Variants in KCNH7 observed in about 807,000 individuals in gnomAD.
The protein encoded by KCNH7 is voltage-gated inwardly rectifying potassium channel KCNH7.
In KCNH7, 49 loss-of-function variants were observed where a neutral mutation model predicts 120.8. The observed-to-expected ratio is 0.41, with a 90% CI of 0.32 to 0.51. The LOEUF (loss-of-function observed/expected upper bound fraction) is 0.51. KCNH7 is among the 20% of genes least tolerant of loss of function. The pLI, the probability that KCNH7 is intolerant of heterozygous loss-of-function variation, is 0.38. For missense variants in KCNH7, 1,097 were observed against 1,446.6 expected, an observed-to-expected ratio of 0.76 and a Z score of 3.92; for synonymous variants, 547 against 516.1, an observed-to-expected ratio of 1.06 and a Z score of -0.81.
chr2:162,787,311 G>A (rs1683745912), intron 2 of KCNH7, among the ~76,000 whole-genome samples: 1 of 152,170 alleles, frequency 6.6e-6, no homozygotes, highest in Admixed American at 6.5e-5. Flanking sequence ...TGTCAAGCTG[G>A]CTCCTGCAGA....
chr2:162,380,640 G>T (rs188094138), intron 13 of KCNH7, among the ~76,000 whole-genome samples: 2 of 152,210 alleles, frequency 1.3e-5, no homozygotes, highest in East Asian at 3.9e-4. Flanking sequence ...CTTCTGTGCT[G>T]CCCTTTACCA....
At chr2:162,640,296 A>G (rs1358912961) in intron 2 of KCNH7, among the ~76,000 whole-genome samples, 2 of 152,154 alleles carry the variant, frequency 1.3e-5, no homozygotes, top group Non-Finnish European at 2.9e-5. Context: ...TGATTTCAAG[A>G]CTTATAACAT....
intron 2 of KCNH7, among the ~76,000 whole-genome samples, chr2:162,815,919 G>T (rs1189781054): frequency 6.6e-6 from 1 of 152,152 alleles, no homozygotes; most frequent in Non-Finnish European, 1.5e-5. Context: ...TACATAATTA[G>T]ATTTCCTCAT....
chr2:162,406,714 G>A (rs1326887722), intron 9 of KCNH7, among the ~76,000 whole-genome samples: 4 of 151,802 alleles, frequency 2.6e-5, no homozygotes. Context: ...CCTGATTCTG[G>A]TAAAATTATT....
At chr2:162,486,690 T>G (rs916337066) in intron 6 of KCNH7, among the ~76,000 whole-genome samples, 1 of 152,154 alleles carries the variant, frequency 6.6e-6, no homozygotes, top group Non-Finnish European at 1.5e-5. Flanking sequence ...CATATTCATG[T>G]TTGAGTTGCA....
At chr2:162,685,705 A>G (rs1279463443) in intron 2 of KCNH7, among the ~76,000 whole-genome samples, 1 of 151,884 alleles carries the variant, frequency 6.6e-6, no homozygotes, top group African/African-American at 2.4e-5. Flanking sequence ...GGAATATTTC[A>G]GATGTATTAG....
chr2:162,568,341 T>C (rs1574112281), intron 2 of KCNH7, among the ~76,000 whole-genome samples: 1 of 151,998 alleles, frequency 6.6e-6, no homozygotes, highest in African/African-American at 2.4e-5. Flanking sequence ...TAACATGCTG[T>C]ACAGGTTTGT....
intron 2 of KCNH7, among the ~76,000 whole-genome samples, chr2:162,632,070 G>A (rs1219041394): frequency 6.6e-6 from 1 of 151,956 alleles, no homozygotes; most frequent in East Asian, 1.9e-4. Context: ...AAATGTTGGA[G>A]AGGAAGGAAA....
chr2:162,423,236 A>G, intron 9 of KCNH7, 100 bp downstream of exon 9: 1 of 1,599,746 alleles, frequency 6.3e-7, no homozygotes, highest in African/African-American at 1.3e-5. Flanking sequence ...GAAGAAAACA[A>G]AAGCAAGGGG....
chr2:162,804,663 C>T (rs551675567), intron 2 of KCNH7, among the ~76,000 whole-genome samples: 68 of 151,898 alleles, frequency 4.5e-4, no homozygotes, highest in Non-Finnish European at 9.0e-4. Flanking sequence ...GTGAAAATGG[C>T]CATACTGCCC....
chr2:162,417,238 T>C (rs1400099036), intron 9 of KCNH7, among the ~76,000 whole-genome samples: 2 of 152,192 alleles, frequency 1.3e-5, no homozygotes, highest in Non-Finnish European at 2.9e-5. Context: ...AATGCTGAGT[T>C]ATTCTAGCAT....
chr2:162,640,513 A>G (rs1468464402), intron 2 of KCNH7, among the ~76,000 whole-genome samples: 2 of 151,958 alleles, frequency 1.3e-5, no homozygotes, highest in Non-Finnish European at 2.9e-5. Context: ...AAAAAAAATG[A>G]AATTTGACCC....
chr2:162,794,498 C>A (rs1684068472), intron 2 of KCNH7, among the ~76,000 whole-genome samples: 1 of 152,078 alleles, frequency 6.6e-6, no homozygotes, highest in East Asian at 1.9e-4. Flanking sequence ...GCTGTGGCTT[C>A]TGTATATTCA....
At chr2:162,672,881 C>G (rs1347687314) in intron 2 of KCNH7, among the ~76,000 whole-genome samples, 2 of 151,810 alleles carry the variant, frequency 1.3e-5, no homozygotes, top group Non-Finnish European at 2.9e-5. Flanking sequence ...AAAAACAGCT[C>G]AAATTTACTG....
intron 13 of KCNH7, among the ~76,000 whole-genome samples, chr2:162,382,988 T>C (rs1247307946): frequency 6.6e-6 from 1 of 151,938 alleles, no homozygotes; most frequent in Non-Finnish European, 1.5e-5. Context: ...AATATATAGA[T>C]ACTAAATTTG....
chr2:162,600,592 C>T (rs904808258), intron 2 of KCNH7, among the ~76,000 whole-genome samples: 6 of 152,064 alleles, frequency 3.9e-5, no homozygotes, highest in Admixed American at 2.0e-4. Context: ...GCTAAAGAAG[C>T]GAGCCTTTCA....
At chr2:162,484,595 A>G (rs1690031795) in intron 6 of KCNH7, among the ~76,000 whole-genome samples, 1 of 152,190 alleles carries the variant, frequency 6.6e-6, no homozygotes, top group African/African-American at 2.4e-5. Context: ...ACAGAAGATC[A>G]TTACACTGTA....
intron 2 of KCNH7, among the ~76,000 whole-genome samples, chr2:162,705,529 A>G (rs56023834): frequency 0.09 from 13,767 of 152,144 alleles, 1,931 homozygotes; most frequent in African/African-American, 0.3. Context: ...AGTTATGTCT[A>G]CATATAGGTA....
Position 162,433,147 on chromosome 2 carries a change from C to T in KCNH7, c.1954+2051G>A, listed in dbSNP as rs913968754. Among the ~76,000 whole-genome samples the T allele has an allele frequency of 2.6e-5, 4 of 151,852 alleles. No homozygotes were observed. The East Asian group carries it at 7.7e-4, about 29-fold the overall frequency. On this transcript the variant is annotated intron_variant, in intron 8 of 15. Transcript: ENST00000332142. The stretch of plus-strand genomic sequence containing the variant: ...ATCATAGATGACACAAACAAATGGA[C>T]AAACATTCCATGCTCATGAATAAAA...
Sources: allele counts gnomAD v4.1 joint callset (sites outside exome capture counted in the v4.1 genomes callset), GRCh38; gene constraint gnomAD v4.1.1; transcripts MANE v1.5; gene names NCBI Gene and HGNC (gene_info 2026-07-23, HGNC 2026-07-21).